Variants in FOXN4 observed in about 807,000 individuals in gnomAD.
The protein encoded by FOXN4 is forkhead box N4.
FOXN4 carries 12 observed loss-of-function variants against 45.0 expected under a neutral mutation model. That is an observed-to-expected ratio of 0.27 (90% CI 0.17 to 0.43). The LOEUF (loss-of-function observed/expected upper bound fraction) is 0.43. FOXN4 is among the 20% of genes least tolerant of loss of function. The pLI, the probability that FOXN4 is intolerant of heterozygous loss-of-function variation, is 1.00. For synonymous variants in FOXN4, 297 were observed against 295.0 expected, an observed-to-expected ratio of 1.01 and a Z score of -0.07; for missense variants, 560 against 694.9, an observed-to-expected ratio of 0.81 and a Z score of 2.18.
At position 109,286,657 on chromosome 12, in the gene FOXN4, G is replaced by T. The variant is rs1343926284; in HGVS notation, c.684C>A (p.Pro228=). Residue 228 remains proline (P), a synonymous_variant, in exon 7 of 10, where the codon CCC becomes CCA. Transcript: ENST00000299162. ...CTAGCTTGGGACTCACCTTGAAGTA[G>T]GGGAAGTGCTCCTTCATGAAGCTGT... ...EIYSFMKEHF[P]YFKTAPDGWK... The T allele has an allele frequency of 1.2e-6, 2 of 1,609,278 alleles. No homozygotes were observed. Among genetic ancestry groups the T allele is most frequent in the African/African-American group, 1.3e-5 (1 of 75,026 alleles).
At chr12:109,280,207 G>T (rs1180728815) in intron 9 of FOXN4, among the ~76,000 whole-genome samples, 1 of 152,116 alleles carries the variant, frequency 6.6e-6, no homozygotes, top group Non-Finnish European at 1.5e-5. Flanking sequence ...GCCTGGGCTG[G>T]TAGCGCACAC....
chr12:109,289,974 CAT>C (rs1207063623), intron 3 of FOXN4, among the ~76,000 whole-genome samples, 165 bp downstream of exon 3: 2 of 152,168 alleles, frequency 1.3e-5, no homozygotes, highest in Non-Finnish European at 2.9e-5. Context: ...TGATAAACCA[CAT>C]CTCTCTAAGG....
chr12:109,287,622 C>G lies in FOXN4; in HGVS notation c.469-98G>C. ...AGTAACACTGTCCCCACCCCAGTTT[C>G]AAAACACCTTGTGTGGGGATTCACA... On this transcript the variant is annotated intron_variant, in intron 5 of 9. Transcript: ENST00000299162. This position sits in a 1 kb window ranked among gnomAD's most constrained non-coding sequence, Gnocchi z 4.1. 7.1e-7 allele frequency: 1 copy of G among 1,405,012 alleles called. No homozygotes were observed. The highest frequency in any genetic ancestry group is 9.5e-7 in the Non-Finnish European group (1 of 1,057,796). The allele number at this position is 1,405,012 out of a possible 1,614,324, so 87.0% of individuals were successfully genotyped here.
intron 2 of FOXN4, among the ~76,000 whole-genome samples, chr12:109,304,146 G>A (rs1235091487): frequency 6.9e-6 from 1 of 145,958 alleles, no homozygotes; most frequent in Non-Finnish European, 1.5e-5. Flanking sequence ...AGCTGAGATC[G>A]CACCACTGCA....
chr12:109,305,255 G>C (rs1177670388), intron 2 of FOXN4, among the ~76,000 whole-genome samples: 1 of 152,196 alleles, frequency 6.6e-6, no homozygotes, highest in East Asian at 1.9e-4. Context: ...GGGCCCAAGA[G>C]TTCTACCTTC....
chr12:109,306,863 A>G (rs2047925845), intron 2 of FOXN4, among the ~76,000 whole-genome samples: 1 of 152,208 alleles, frequency 6.6e-6, no homozygotes, highest in South Asian at 2.1e-4. Flanking sequence ...CCACTAAATC[A>G]CTTGGCATTA....
rs369645983 is a variant in FOXN4 at position 109,298,532 on chromosome 12, T to C, written c.87-8246A>G. ...ACCCACCACTACACCCAGCTAATTT[T>C]TGGCATTTTTAGTAGAGAGAGAGTT... On this transcript the variant is annotated intron_variant, in intron 2 of 9. Coordinates refer to ENST00000299162, the MANE Select transcript of FOXN4 (RefSeq NM_213596.3). Among the ~76,000 whole-genome samples the C allele has an allele frequency of 1.5e-4, 23 of 152,170 alleles. No homozygotes were observed. The East Asian group carries it at 2.7e-3, about 18-fold the overall frequency.
Position 109,287,308 on chromosome 12 carries a change from C to T in FOXN4, c.596+89G>A. 1 of 1,502,672 alleles carries T rather than the reference C, an allele frequency of 6.7e-7. No homozygotes were observed. The highest frequency in any genetic ancestry group is 9.0e-7 in the Non-Finnish European group (1 of 1,111,796). The allele number at this position is 1,502,672 out of a possible 1,614,324, so 93.1% of individuals were successfully genotyped here. A position where few individuals can be genotyped will look rare whatever the true frequency, so the allele number is the denominator to read the frequency against. ...TCCCCCTTGGAAGTCTGGGCTGCCA[C>T]ACTAGCTGTCTGAGATGCCCTGAGG... On this transcript the variant is annotated intron_variant, in intron 6 of 9. Transcript: ENST00000299162. This position sits in a 1 kb window ranked among gnomAD's most constrained non-coding sequence, Gnocchi z 4.1.
chr12:109,306,190 T>C (rs537078455), intron 2 of FOXN4, among the ~76,000 whole-genome samples: 19 of 152,270 alleles, frequency 1.2e-4, no homozygotes, highest in Non-Finnish European at 2.8e-4. Context: ...CTCTCTAATG[T>C]AACTAAGTGG....
chr12:109,287,474 G>A lies in FOXN4; in HGVS notation c.519C>T (p.Tyr173=), dbSNP rs1196139694. The change falls in exon 6 of 10, where the codon TAC becomes TAT. Residue 173 remains tyrosine, a synonymous_variant. Transcript: ENST00000299162. This position sits in a 1 kb window ranked among gnomAD's most constrained non-coding sequence, Gnocchi z 4.1. ...AATGCACAGCCACGTGGGGCTGGGGGTAGGGGGGCCGCACCCCAAATGGGG... is the reference window on the plus strand; with the variant it reads ...AATGCACAGCCACGTGGGGCTGGGGATAGGGGGGCCGCACCCCAAATGGGG... ...YGPPFGVRPP[Y]PQPHVAVHSS... 1.3e-6 allele frequency: 2 copies of A among 1,550,496 alleles called. No individual in the cohort carries two copies. The highest frequency in any genetic ancestry group is 8.7e-7 in the Non-Finnish European group (1 of 1,146,352).
At position 109,287,700 on chromosome 12, in the gene FOXN4, G is replaced by T. The variant is rs1325416198; in HGVS notation, c.468+144C>A. The T allele has an allele frequency of 1.2e-5, 13 of 1,112,136 alleles. No individual in the cohort carries two copies. The highest frequency in any genetic ancestry group is 1.5e-5 in the Non-Finnish European group (12 of 799,342). The allele number at this position is 1,112,136 out of a possible 1,614,324, so 68.9% of individuals were successfully genotyped here. ...CTCAGGGCAGGAGTTTTGGGGGAACGGAATGAATGACCCCATGACATGAGC... is the reference window on the plus strand; with the variant it reads ...CTCAGGGCAGGAGTTTTGGGGGAACTGAATGAATGACCCCATGACATGAGC... On this transcript the variant is annotated intron_variant, in intron 5 of 9. Transcript: ENST00000299162. This position sits in a 1 kb window ranked among gnomAD's most constrained non-coding sequence, Gnocchi z 4.1.
intron 8 of FOXN4, among the ~76,000 whole-genome samples, chr12:109,282,786 T>C (rs1203951481): frequency 1.3e-5 from 2 of 152,216 alleles, no homozygotes. Flanking sequence ...ACAGGGTTGA[T>C]AGTAGACTGG....
At position 109,287,645 on chromosome 12, in the gene FOXN4, A is replaced by G; in HGVS notation, c.469-121T>C. On this transcript the variant is annotated intron_variant, in intron 5 of 9. Coordinates refer to ENST00000299162, the MANE Select transcript of FOXN4 (RefSeq NM_213596.3). This position sits in a 1 kb window ranked among gnomAD's most constrained non-coding sequence, Gnocchi z 4.1. ...TTCAAAACACCTTGTGTGGGGATTC[A>G]CAACCGTCCAGGAAACAATCTTGTC... 7.5e-7 allele frequency: 1 copy of G among 1,334,140 alleles called. No individual in the cohort carries two copies. Among genetic ancestry groups the G allele is most frequent in the Non-Finnish European group, 1.0e-6 (1 of 995,496 alleles). 82.6% of individuals were successfully genotyped at this position (1,334,140 alleles called of 1,614,324 possible).
intron 8 of FOXN4, 48 bp downstream of exon 8, chr12:109,285,256 T>TGC (rs1263796761): frequency 6.5e-7 from 1 of 1,535,066 alleles, no homozygotes; most frequent in East Asian, 2.4e-5. Context: ...TGTGTGTGTG[T>TGC]GTGTGTGTGT....
chr12:109,304,546 A>G (rs1367920298), intron 2 of FOXN4, among the ~76,000 whole-genome samples: 1 of 152,184 alleles, frequency 6.6e-6, no homozygotes, highest in Non-Finnish European at 1.5e-5. Flanking sequence ...CTGCCCCTTC[A>G]TCAGCAGCAG....
Position 109,287,901 on chromosome 12 carries a change from C to T in FOXN4, c.411G>A (p.Pro137=), listed in dbSNP as rs1229863389. The change falls in exon 5 of 10, where the codon CCG becomes CCA. Residue 137 remains proline, a synonymous_variant. Coordinates refer to ENST00000299162, the MANE Select transcript of FOXN4 (RefSeq NM_213596.3). This position sits in a 1 kb window ranked among gnomAD's most constrained non-coding sequence, Gnocchi z 4.1. ...GQPSSGLQDP[P]HLYSPATQPQ... ...GTTGGGTGGCAGGTGAGTACAGATG[C>T]GGCGGGTCCTGCAGGCCAGATGAGG... is the stretch of plus-strand genomic sequence containing the variant. The T allele has an allele frequency of 2.8e-5, 43 of 1,549,534 alleles. No homozygotes were observed. The highest frequency in any genetic ancestry group is 3.3e-5 in the Non-Finnish European group (38 of 1,146,498).
chr12:109,281,758 G>T lies in FOXN4; in HGVS notation c.943C>A (p.Arg315=), dbSNP rs762307757. 51 of 1,602,456 alleles carry T rather than the reference G, an allele frequency of 3.2e-5. No individual in the cohort carries two copies. In the South Asian group the frequency reaches 5.3e-4, roughly 17 times the overall value. ...KLISDRPESC[R]RPGKPGEPEA... is the part of the protein sequence containing the mutation. ...GGTTCCCCCGGTTTGCCGGGGCGCC[G>T]GCAGCTTTCAGGCCGGTCGGAGATC... is the stretch of plus-strand genomic sequence containing the variant. The change falls in exon 9 of 10, where the codon CGG becomes AGG. Residue 315 remains arginine, a synonymous_variant. Transcript: ENST00000299162.
Position 109,288,043 on chromosome 12 carries a change from C to A in FOXN4, c.357+13G>T, listed in dbSNP as rs1472889746. 5 of 1,550,172 alleles carry A rather than the reference C, an allele frequency of 3.2e-6. No individual in the cohort carries two copies. Among genetic ancestry groups the A allele is most frequent in the Non-Finnish European group, 4.4e-6 (5 of 1,146,762 alleles). ...CACTACCCGCCCTCCGCAGTCCATGCAGTGCCACTTACGCTGTCTCTGTGG... is the reference window on the plus strand; with the variant it reads ...CACTACCCGCCCTCCGCAGTCCATGAAGTGCCACTTACGCTGTCTCTGTGG... On this transcript the variant is annotated intron_variant, in intron 4 of 9. Coordinates refer to ENST00000299162, the MANE Select transcript of FOXN4 (RefSeq NM_213596.3). This position sits in a 1 kb window ranked among gnomAD's most constrained non-coding sequence, Gnocchi z 4.3.
chr12:109,284,400 T>TGGGGC (rs2047681608), intron 8 of FOXN4, among the ~76,000 whole-genome samples: 1 of 152,178 alleles, frequency 6.6e-6, no homozygotes, highest in Admixed American at 6.5e-5. Context: ...TAGGCAGAGC[T>TGGGGC]GGGGCTGGGC....
Sources: allele counts gnomAD v4.1 joint callset (sites outside exome capture counted in the v4.1 genomes callset), GRCh38; gene constraint gnomAD v4.1.1; non-coding constraint Gnocchi (gnomAD v3.1); transcripts MANE v1.5; gene names NCBI Gene and HGNC (gene_info 2026-07-23, HGNC 2026-07-21).